CENPP: variants seen among roughly 807,000 people sequenced by gnomAD.
CENPP encodes the protein centromere protein P.
A neutral mutation model predicts 35.6 loss-of-function variants in CENPP; 24 were observed. The ratio of observed to expected loss-of-function variants is 0.67; its 90% CI spans 0.49 to 0.95. The LOEUF is 0.95. Ranked by LOEUF, CENPP falls within the 40% of genes least tolerant of loss-of-function variation. The pLI is 0.00. For missense variants in CENPP, 332 were observed against 345.3 expected (o/e 0.96, Z 0.31); for synonymous variants, 120 against 125.5 (o/e 0.96, Z 0.29).
At position 92,619,500 on chromosome 9, in the gene CENPP, A is replaced by G; in HGVS notation, c.*6351A>G. 6.3e-7 allele frequency: 1 copy of G among 1,590,808 alleles called. No individual in the cohort carries two copies. The highest frequency in any genetic ancestry group is 8.6e-7 in the Non-Finnish European group (1 of 1,168,912). Reference sequence around the variant, plus strand: ...GGGGGCCTCACCTGGCATCCTGCAGACAGGGAGACAGTGCAATCATGATGG... The same window carrying G: ...GGGGGCCTCACCTGGCATCCTGCAGGCAGGGAGACAGTGCAATCATGATGG... On this transcript the variant is annotated 3_prime_UTR_variant, in exon 8 of 8. Transcript: ENST00000375587.
chr9:92,407,836 C>G (rs931859657), intron 5 of CENPP, among the ~76,000 whole-genome samples: 3 of 152,096 alleles, frequency 2.0e-5, no homozygotes, highest in African/African-American at 4.8e-5. Context: ...TGGTCTCGAA[C>G]TTTTGACCTA....
At chr9:92,411,431 A>G (rs982229761) in intron 5 of CENPP, among the ~76,000 whole-genome samples, 1 of 152,060 alleles carries the variant, frequency 6.6e-6, no homozygotes, top group Non-Finnish European at 1.5e-5. Flanking sequence ...AGTAGCTGGG[A>G]CTACAGGCAT....
intron 5 of CENPP, among the ~76,000 whole-genome samples, chr9:92,565,492 G>A (rs968027546): frequency 6.6e-6 from 1 of 152,124 alleles, no homozygotes; most frequent in Non-Finnish European, 1.5e-5. Flanking sequence ...CAAAGTAGTA[G>A]CTACCCAGCC....
At chr9:92,554,398 G>A (rs1427649096) in intron 5 of CENPP, among the ~76,000 whole-genome samples, 1 of 152,090 alleles carries the variant, frequency 6.6e-6, no homozygotes, top group African/African-American at 2.4e-5. Flanking sequence ...GGTCAGGCTG[G>A]TCTTGAACTC....
intron 1 of CENPP, among the ~76,000 whole-genome samples, chr9:92,330,862 G>A (rs1028693233): frequency 6.6e-6 from 1 of 151,796 alleles, no homozygotes; most frequent in Admixed American, 6.6e-5. Flanking sequence ...CTAATTTTTT[G>A]TATTTTTAGT....
chr9:92,586,349 G>T (rs576191504), intron 5 of CENPP, among the ~76,000 whole-genome samples: 1 of 151,956 alleles, frequency 6.6e-6, no homozygotes, highest in African/African-American at 2.4e-5. Flanking sequence ...CCAGCCTGTA[G>T]AAAGATTTAA....
intron 5 of CENPP, among the ~76,000 whole-genome samples, chr9:92,531,168 T>C (rs1848727348): frequency 6.6e-6 from 1 of 152,162 alleles, no homozygotes; most frequent in South Asian, 2.1e-4. Flanking sequence ...TCTATTTGCT[T>C]TTTATTTGTC....
At chr9:92,510,061 T>C in intron 5 of CENPP, 1 of 1,582,852 alleles carries the variant, frequency 6.3e-7, no homozygotes, top group Non-Finnish European at 8.5e-7. Context: ...CAAAGTTACT[T>C]TTTTATCTAG....
chr9:92,470,609 T>C, intron 5 of CENPP: 1 of 918,174 alleles, frequency 1.1e-6, no homozygotes, highest in South Asian at 1.8e-5. Flanking sequence ...TAATTAATCA[T>C]TATAGCAAAG....
At chr9:92,390,945 C>T (rs1842652196) in intron 5 of CENPP, among the ~76,000 whole-genome samples, 2 of 152,142 alleles carry the variant, frequency 1.3e-5, no homozygotes, top group Non-Finnish European at 2.9e-5. Flanking sequence ...GACGTCACTT[C>T]AGCACCATGT....
intron 4 of CENPP, among the ~76,000 whole-genome samples, chr9:92,374,787 GTTCA>G (rs762407627): frequency 1.1e-4 from 16 of 152,052 alleles, no homozygotes; most frequent in Non-Finnish European, 2.2e-4. Context: ...TGTAACCATT[GTTCA>G]TTATTTCTAT....
At chr9:92,571,788 G>C (rs1850147192) in intron 5 of CENPP, among the ~76,000 whole-genome samples, 2 of 152,116 alleles carry the variant, frequency 1.3e-5, no homozygotes, top group Non-Finnish European at 2.9e-5. Flanking sequence ...TATATATTTA[G>C]GATAGTTAGC....
intron 5 of CENPP, among the ~76,000 whole-genome samples, chr9:92,441,628 G>A (rs967969356): frequency 5.9e-5 from 9 of 152,022 alleles, no homozygotes; most frequent in South Asian, 2.1e-4. Flanking sequence ...GCATGATAGC[G>A]CGTACCTGTA....
intron 5 of CENPP, among the ~76,000 whole-genome samples, chr9:92,571,646 T>C (rs1000146259): frequency 6.6e-6 from 1 of 151,970 alleles, no homozygotes; most frequent in African/African-American, 2.4e-5. Context: ...GTTAACTTTC[T>C]GTCTGATTGA....
intron 5 of CENPP, among the ~76,000 whole-genome samples, chr9:92,434,388 C>CAA (rs57677848): frequency 0.068 from 6,576 of 97,140 alleles, 189 homozygotes; most frequent in South Asian, 0.15. Flanking sequence ...GACTCTGTCT[C>CAA]AAAAAAAAAA....
chr9:92,457,239 T>G (rs758043075), intron 5 of CENPP: 1 of 1,592,670 alleles, frequency 6.3e-7, no homozygotes, highest in Non-Finnish European at 8.6e-7. Flanking sequence ...ATTCCAAATG[T>G]AGGGATTTTT....
intron 3 of CENPP, among the ~76,000 whole-genome samples, chr9:92,340,915 C>T (rs1432409043): frequency 1.3e-5 from 2 of 152,164 alleles, no homozygotes. Context: ...TAACCTTAAA[C>T]TCTGACTGCT....
intron 5 of CENPP, among the ~76,000 whole-genome samples, chr9:92,526,651 T>C (rs1420662621): frequency 6.6e-6 from 1 of 150,390 alleles, no homozygotes; most frequent in Admixed American, 6.6e-5. Flanking sequence ...ATTAAAAAAA[T>C]CAAGAAGCCT....
chr9:92,412,928 T>C (rs1588111746), intron 5 of CENPP, among the ~76,000 whole-genome samples: 1 of 151,826 alleles, frequency 6.6e-6, no homozygotes, highest in African/African-American at 2.4e-5. Flanking sequence ...TTCAGTTCTA[T>C]TGGGTATATA....
Sources: allele counts gnomAD v4.1 joint callset (sites outside exome capture counted in the v4.1 genomes callset), GRCh38; gene constraint gnomAD v4.1.1; transcripts MANE v1.5; gene names NCBI Gene and HGNC (gene_info 2026-07-23, HGNC 2026-07-21).